GID4: variants seen among roughly 807,000 people sequenced by gnomAD.
The protein encoded by GID4 is GID complex subunit 4 homolog.
A neutral mutation model predicts 32.4 loss-of-function variants in GID4; 7 were observed. The observed-to-expected ratio is 0.22, with a 90% CI of 0.12 to 0.41. The LOEUF is 0.41. GID4 is among the 10% of genes least tolerant of loss of function. The pLI is 1.00. For missense variants in GID4, 309 were observed against 400.0 expected, an observed-to-expected ratio of 0.77 and a Z score of 1.94; for synonymous variants, 166 against 170.0, an observed-to-expected ratio of 0.98 and a Z score of 0.18.
chr17:18,039,869 G>A lies in GID4; in HGVS notation c.405G>A (p.Lys135=). 1.3e-6 allele frequency: 2 copies of A among 1,530,378 alleles called. No individual in the cohort carries two copies. The highest frequency in any genetic ancestry group is 2.8e-5 in the African/African-American group (2 of 70,254). The allele number at this position is 1,530,378 out of a possible 1,614,324, so 94.8% of individuals were successfully genotyped here. Residue 135 remains lysine (K), a synonymous_variant, in exon 1 of 6, where the codon AAG becomes AAA. Coordinates refer to ENST00000268719, the MANE Select transcript of GID4 (RefSeq NM_024052.5). This position sits in a 1 kb window ranked among gnomAD's most constrained non-coding sequence, Gnocchi z 5.3. ...GSKFRGHQKS[K]GNSYDVEVVL... is the part of the protein sequence containing the mutation. ...AGTTCCGCGGCCACCAGAAGAGCAA[G>A]GGGAACTCGTACGACGTAGAGGTGG...
At chr17:18,053,938 G>C (rs898478418) in intron 2 of GID4, among the ~76,000 whole-genome samples, 189 bp from the exon 3 acceptor site, 1 of 152,182 alleles carries the variant, frequency 6.6e-6, no homozygotes, top group African/African-American at 2.4e-5. Context: ...TCATTCTCTG[G>C]GTGATTTAGA....
In GID4 at chr17:18,054,112, G is replaced by T; in HGVS notation, c.499-15G>T. The T allele has an allele frequency of 7.3e-7, 1 of 1,364,138 alleles. No homozygotes were observed. Among genetic ancestry groups the T allele is most frequent in the Non-Finnish European group, 1.0e-6 (1 of 961,580 alleles). The allele number at this position is 1,364,138 out of a possible 1,614,324, so 84.5% of individuals were successfully genotyped here. The stretch of plus-strand genomic sequence containing the variant: ...CACTCAACATCTTATTTTGATATTT[G>T]GGTTTTTACCATAGGAGTATCCAAC... On this transcript the variant is annotated splice_polypyrimidine_tract_variant and intron_variant, in intron 2 of 5. Coordinates refer to ENST00000268719, the MANE Select transcript of GID4 (RefSeq NM_024052.5).
intron 2 of GID4, among the ~76,000 whole-genome samples, chr17:18,047,856 G>T (rs1447721730): frequency 1.3e-5 from 2 of 151,812 alleles, no homozygotes; most frequent in Non-Finnish European, 2.9e-5. Context: ...GAAGTATACA[G>T]TTCATTGGTT....
At chr17:18,055,373 C>T (rs2044956168) in intron 3 of GID4, among the ~76,000 whole-genome samples, 2 of 152,176 alleles carry the variant, frequency 1.3e-5, no homozygotes, top group South Asian at 4.1e-4. Context: ...CTAAACTCTC[C>T]CCTGGTTCTG....
chr17:18,045,258 C>T lies in GID4; in HGVS notation c.498+52C>T, dbSNP rs1472859640. ...ACTAGAAAGTCTGTGGTGTGCTCCA[C>T]AGGCTCATTGGGGTTCAGGGCAGGC... On this transcript the variant is annotated intron_variant, in intron 2 of 5. Transcript: ENST00000268719. 10 of 1,457,488 alleles carry T rather than the reference C, an allele frequency of 6.9e-6. No homozygotes were observed. In the Admixed American group the frequency reaches 1.0e-4, roughly 15 times the overall value. 90.3% of individuals were successfully genotyped at this position (1,457,488 alleles called of 1,614,324 possible). A position where few individuals can be genotyped will look rare whatever the true frequency, so the allele number is the denominator to read the frequency against.
chr17:18,040,013 C>T (rs1488084210), intron 1 of GID4, 111 bp downstream of exon 1: 6 of 1,234,546 alleles, frequency 4.9e-6, no homozygotes, highest in Non-Finnish European at 6.1e-6. Context: ...GCCGCCGGGG[C>T]CTCCTGCACC....
chr17:18,044,678 G>C (rs144526675), intron 1 of GID4, among the ~76,000 whole-genome samples: 1 of 152,170 alleles, frequency 6.6e-6, no homozygotes, highest in African/African-American at 2.4e-5. Context: ...GTAAAAACTA[G>C]AAGAGGAGCA....
At chr17:18,052,766 GCTT>G (rs2044925027) in intron 2 of GID4, among the ~76,000 whole-genome samples, 1 of 152,160 alleles carries the variant, frequency 6.6e-6, no homozygotes, top group African/African-American at 2.4e-5. Flanking sequence ...CCAGCACATG[GCTT>G]CTTGCTTACG....
chr17:18,057,614 T>C (rs2044980899), intron 3 of GID4: 2 of 153,114 alleles, frequency 1.3e-5, no homozygotes, highest in Non-Finnish European at 2.9e-5. Flanking sequence ...CTAAAATAGC[T>C]GTTAACCTCT....
intron 5 of GID4, among the ~76,000 whole-genome samples, chr17:18,062,397 C>T (rs2045024578): frequency 6.6e-6 from 1 of 152,300 alleles, no homozygotes; most frequent in Non-Finnish European, 1.5e-5. Flanking sequence ...CCGACATGCA[C>T]TTGATTTAAG....
In GID4 at chr17:18,058,850, T is replaced by C. The variant is rs776143218; in HGVS notation, c.607-18T>C. ...TCCTTCTCTCAGTCAATCGGCACAC[T>C]CTCTTTTCTGCTTTCAGGGCAAGTT... On this transcript the variant is annotated intron_variant, in intron 3 of 5. Coordinates refer to ENST00000268719, the MANE Select transcript of GID4 (RefSeq NM_024052.5). 2 of 1,503,044 alleles carry C rather than the reference T, an allele frequency of 1.3e-6. No individual in the cohort carries two copies. Among genetic ancestry groups the C allele is most frequent in the East Asian group, 4.5e-5 (2 of 44,410 alleles). 93.1% of individuals were successfully genotyped at this position (1,503,044 alleles called of 1,614,324 possible).
intron 3 of GID4, chr17:18,056,786 C>G: frequency 6.4e-7 from 1 of 1,550,588 alleles, no homozygotes; most frequent in South Asian, 1.2e-5. Flanking sequence ...GAAGGCCACC[C>G]TTGGTACTGG....
intron 3 of GID4, among the ~76,000 whole-genome samples, chr17:18,056,259 A>C (rs532753178): frequency 2.6e-5 from 4 of 152,230 alleles, no homozygotes; most frequent in African/African-American, 4.8e-5. Flanking sequence ...TTTGAATTCT[A>C]TACATTTTGA....
At chr17:18,040,028 G>A (rs1261495497) in intron 1 of GID4, 126 bp downstream of exon 1, 1 of 1,209,502 alleles carries the variant, frequency 8.3e-7, no homozygotes, top group Non-Finnish European at 1.0e-6. Context: ...TGCACCCGGC[G>A]CTTCCCACCC....
At chr17:18,041,901 A>C (rs2044807352) in intron 1 of GID4, among the ~76,000 whole-genome samples, 1 of 152,242 alleles carries the variant, frequency 6.6e-6, no homozygotes. Flanking sequence ...AGCCCAGAGC[A>C]GAAACCTGGT....
chr17:18,057,004 G>C (rs944036400), intron 3 of GID4: 8 of 1,547,238 alleles, frequency 5.2e-6, no homozygotes, highest in Non-Finnish European at 7.0e-6. Flanking sequence ...CACCTAGGCT[G>C]TCATTTTTTC....
chr17:18,066,869 G>A lies in GID4; in HGVS notation c.*1626G>A, dbSNP rs1006263362. 6.6e-6 allele frequency: 1 copy of A among 152,260 alleles called. No individual in the cohort carries two copies. Among genetic ancestry groups the A allele is most frequent in the Non-Finnish European group, 1.5e-5 (1 of 68,070 alleles). 9.4% of individuals were successfully genotyped at this position (152,260 alleles called of 1,614,324 possible). The stretch of plus-strand genomic sequence containing the variant: ...GGGAAAGTAGCCAGTGGGCACTTGT[G>A]ATATCTAAAATCTGTTATCCCAGGA... On this transcript the variant is annotated 3_prime_UTR_variant, in exon 6 of 6. Coordinates refer to ENST00000268719, the MANE Select transcript of GID4 (RefSeq NM_024052.5).
rs2045053342 is a variant in GID4, at chr17:18,065,493, C to T, written c.*250C>T. On this transcript the variant is annotated 3_prime_UTR_variant, in exon 6 of 6. Transcript: ENST00000268719. ...TGGTCTTCACCTGTTTTTAAGCTACCTTAAACGCACTTTTCCTTCCTGCAC... is the reference window on the plus strand; with the variant it reads ...TGGTCTTCACCTGTTTTTAAGCTACTTTAAACGCACTTTTCCTTCCTGCAC... The T allele has an allele frequency of 2.0e-6, 1 of 511,020 alleles. No individual in the cohort carries two copies. 31.7% of individuals were successfully genotyped at this position (511,020 alleles called of 1,614,324 possible). A position where few individuals can be genotyped will look rare whatever the true frequency, so the allele number is the denominator to read the frequency against.
At chr17:18,056,853 C>T in intron 3 of GID4, 1 of 1,550,618 alleles carries the variant, frequency 6.4e-7, no homozygotes, top group East Asian at 2.4e-5. Flanking sequence ...CCTCCTCCAA[C>T]AGTTTGTGGC....
Sources: allele counts gnomAD v4.1 joint callset (sites outside exome capture counted in the v4.1 genomes callset), GRCh38; gene constraint gnomAD v4.1.1; non-coding constraint Gnocchi (gnomAD v3.1); transcripts MANE v1.5; gene names NCBI Gene and HGNC (gene_info 2026-07-23, HGNC 2026-07-21).